Variants in VDAC1 observed in about 807,000 individuals in gnomAD.
VDAC1 encodes voltage dependent anion channel 1, also known as non-selective voltage-gated ion channel VDAC1.
A neutral mutation model predicts 34.7 loss-of-function variants in VDAC1; 10 were observed. The observed-to-expected ratio is 0.29, with a 90% confidence interval of 0.18 to 0.49. The LOEUF is 0.49. VDAC1 is among the 20% of genes least tolerant of loss of function. The pLI is 0.99. For synonymous variants in VDAC1, 130 were observed against 136.0 expected (o/e 0.96, Z 0.30); for missense variants, 230 against 347.9 (o/e 0.66, Z 2.69).
chr5:134,101,521 C>T, the VDAC1 span, among the ~76,000 whole-genome samples: 4 of 151,432 alleles, frequency 2.6e-5, no homozygotes, highest in South Asian at 4.2e-4. Flanking sequence ...GATCCACCAC[C>T]ACACTCCAGC....
chr5:134,065,337 ATTTTT>A, the VDAC1 span, among the ~76,000 whole-genome samples: 3 of 101,380 alleles, frequency 3.0e-5, no homozygotes, highest in Non-Finnish European at 4.0e-5. Flanking sequence ...TTTAATTTTA[ATTTTT>A]TTTTTTTTTT....
chr5:134,113,160 A>G, the VDAC1 span, among the ~76,000 whole-genome samples: 2 of 152,162 alleles, frequency 1.3e-5, no homozygotes, highest in Non-Finnish European at 1.5e-5. Flanking sequence ...GGCGAGACTA[A>G]GCGGCAAGCC....
At chr5:134,037,715 T>C in the VDAC1 span, among the ~76,000 whole-genome samples, 8 of 152,300 alleles carry the variant, frequency 5.3e-5, no homozygotes, top group South Asian at 1.0e-3. Context: ...TTAAAAACCC[T>C]TGCTTGTAAG....
chr5:134,071,973 C>G, the VDAC1 span, among the ~76,000 whole-genome samples: 1 of 152,136 alleles, frequency 6.6e-6, no homozygotes, highest in Non-Finnish European at 1.5e-5. This position sits in a 1 kb window ranked among gnomAD's most constrained non-coding sequence, Gnocchi z 4.1. Context: ...AGTTTACCCC[C>G]AGGGCTCCTT....
At chr5:134,088,024 G>GCGTGCTACAA in the VDAC1 span, among the ~76,000 whole-genome samples, 4 of 135,662 alleles carry the variant, frequency 2.9e-5, no homozygotes, top group Admixed American at 7.5e-5. Flanking sequence ...GCGTTGTAGC[G>GCGTGCTACAA]CGTGCCTGTA....
the VDAC1 span, among the ~76,000 whole-genome samples, chr5:134,042,692 C>A: frequency 2.0e-5 from 3 of 152,130 alleles, no homozygotes; most frequent in Non-Finnish European, 4.4e-5. Context: ...GGGGTTTCAC[C>A]ATTTTGGCCA....
chr5:133,979,424 C>CTTTTTTTTTTTTTTTTTTTTTTT (rs71581380), intron 6 of VDAC1, among the ~76,000 whole-genome samples: 1 of 80,992 alleles, frequency 1.2e-5, no homozygotes. Flanking sequence ...ATTTTCTTTG[C>CTTTTTTTTTTTTTTTTTTTTTTT]TTTTTTTTTT....
chr5:133,985,306 T>C (rs1183934651), intron 5 of VDAC1, among the ~76,000 whole-genome samples: 1 of 152,192 alleles, frequency 6.6e-6, no homozygotes, highest in Non-Finnish European at 1.5e-5. Flanking sequence ...TCAAGTTACT[T>C]CTGTACATTT....
chr5:133,988,199 A>T (rs780737546), intron 5 of VDAC1, among the ~76,000 whole-genome samples: 28 of 152,216 alleles, frequency 1.8e-4, no homozygotes, highest in Non-Finnish European at 3.8e-4. Context: ...CATTAACATT[A>T]GGAGCTGGGT....
chr5:133,979,423 G>GC (rs1752602222), intron 6 of VDAC1, among the ~76,000 whole-genome samples: 1 of 59,290 alleles, frequency 1.7e-5, no homozygotes. Context: ...TATTTTCTTT[G>GC]CTTTTTTTTT....
the VDAC1 span, among the ~76,000 whole-genome samples, chr5:134,051,378 G>A: frequency 2.0e-5 from 3 of 152,324 alleles, no homozygotes; most frequent in African/African-American, 7.2e-5. Context: ...TGCAGGTTAG[G>A]GCAACCAGAC....
At chr5:134,080,127 C>T in the VDAC1 span, among the ~76,000 whole-genome samples, 3 of 152,208 alleles carry the variant, frequency 2.0e-5, no homozygotes, top group Admixed American at 6.5e-5. Context: ...ACATCAAAGC[C>T]GGCTGAGCAT....
chr5:134,020,052 ACT>A, the VDAC1 span, among the ~76,000 whole-genome samples: 2 of 150,804 alleles, frequency 1.3e-5, no homozygotes, highest in East Asian at 3.9e-4. Flanking sequence ...CCTGTGACCT[ACT>A]CTCTAGCCTT....
At chr5:134,078,647 C>CTTTTT in the VDAC1 span, among the ~76,000 whole-genome samples, 305 of 118,454 alleles carry the variant, frequency 2.6e-3, 9 homozygotes, top group African/African-American at 8.4e-3. Context: ...CCTCAAGCAT[C>CTTTTT]TTTTTTTTTT....
the VDAC1 span, among the ~76,000 whole-genome samples, chr5:134,059,252 G>A: frequency 1.0e-3 from 156 of 152,204 alleles, 4 homozygotes; most frequent in Non-Finnish European, 4.1e-4. Context: ...CAGCCAACGT[G>A]AGGCTCCCAG....
the VDAC1 span, among the ~76,000 whole-genome samples, chr5:134,041,152 T>C: frequency 6.6e-6 from 1 of 152,238 alleles, no homozygotes; most frequent in African/African-American, 2.4e-5. Flanking sequence ...GCTCCTTCTC[T>C]TGATGCTTCA....
the VDAC1 span, among the ~76,000 whole-genome samples, chr5:134,064,669 A>T: frequency 5.9e-5 from 9 of 151,898 alleles, no homozygotes; most frequent in African/African-American, 2.2e-4. Context: ...TAACTGATAC[A>T]AGGGATATAG....
intron 1 of VDAC1, among the ~76,000 whole-genome samples, chr5:133,996,183 G>A (rs545416506): frequency 1.3e-5 from 2 of 152,344 alleles, no homozygotes; most frequent in South Asian, 4.1e-4. Flanking sequence ...GAGCCTGGGG[G>A]CTTTGTTCCC....
chr5:134,027,429 GC>G, the VDAC1 span, among the ~76,000 whole-genome samples: 1 of 152,218 alleles, frequency 6.6e-6, no homozygotes, highest in Non-Finnish European at 1.5e-5. Flanking sequence ...GGACAAGAGA[GC>G]GACAGCCCCT....
Sources: gnomAD v4.1 joint callset for allele counts (sites outside exome capture counted in the v4.1 genomes callset) on GRCh38, gnomAD v4.1.1 for gene constraint, Gnocchi (gnomAD v3.1) non-coding constraint, MANE v1.5 for transcripts, NCBI Gene and HGNC (gene_info 2026-07-23, HGNC 2026-07-21) for gene names.